The following ULK4 variants were observed in gnomAD, a reference collection of about 807,000 sequenced individuals.
ULK4 encodes the protein inactive serine/threonine-protein kinase ULK4.
A neutral mutation model predicts 160.6 loss-of-function variants in ULK4; 133 were observed. The ratio of observed to expected loss-of-function variants is 0.83; its 90% CI spans 0.72 to 0.96. ULK4 has a LOEUF of 0.96. ULK4 is among the 40% of genes least tolerant of loss of function. The pLI, the probability that ULK4 is intolerant of heterozygous loss-of-function variation, is 0.00. For missense variants in ULK4, 1,580 were observed against 1,499.5 expected (o/e 1.05, Z -0.89); for synonymous variants, 534 against 539.8 (o/e 0.99, Z 0.15).
At chr3:41,947,849 G>A (rs886912087) in intron 2 of ULK4, among the ~76,000 whole-genome samples, 4 of 151,944 alleles carry the variant, frequency 2.6e-5, no homozygotes, top group Admixed American at 6.6e-5. Flanking sequence ...GGATCATTTC[G>A]CCCTCTAACA....
intron 32 of ULK4, among the ~76,000 whole-genome samples, chr3:41,486,320 T>C (rs1471621949): frequency 6.6e-6 from 1 of 152,188 alleles, no homozygotes; most frequent in East Asian, 1.9e-4. Flanking sequence ...GAAGGCTTCA[T>C]TCTAGAAATT....
chr3:41,684,101 G>T (rs2036016596), intron 27 of ULK4, among the ~76,000 whole-genome samples: 1 of 152,100 alleles, frequency 6.6e-6, no homozygotes, highest in Non-Finnish European at 1.5e-5. Context: ...CCAAAAAATG[G>T]AAAAAAGATG....
intron 31 of ULK4, among the ~76,000 whole-genome samples, chr3:41,582,536 A>C (rs1388584296): frequency 6.6e-6 from 1 of 152,166 alleles, no homozygotes; most frequent in East Asian, 1.9e-4. Flanking sequence ...AGCCCCATAG[A>C]GCCTATGCTG....
intron 22 of ULK4, among the ~76,000 whole-genome samples, chr3:41,732,764 A>G (rs1183923642): frequency 1.3e-5 from 2 of 152,210 alleles, no homozygotes; most frequent in African/African-American, 4.8e-5. Context: ...AAAATGTGGT[A>G]AGTATACACA....
intron 17 of ULK4, among the ~76,000 whole-genome samples, chr3:41,856,566 TATATATATGTGTATATATATACAC>T (rs2042358080): frequency 8.9e-6 from 1 of 111,898 alleles, no homozygotes; most frequent in African/African-American, 4.0e-5. Flanking sequence ...TATATACACA[TATATATATGTGTATATATATACAC>T]ATATATATAT....
intron 21 of ULK4, among the ~76,000 whole-genome samples, chr3:41,777,731 C>T (rs1398318753): frequency 6.1e-5 from 8 of 130,158 alleles, no homozygotes; most frequent in African/African-American, 1.8e-4. Flanking sequence ...AGTTGAGCGG[C>T]TTTGAGTGAG....
chr3:41,703,585 C>A (rs1194008446), intron 27 of ULK4, among the ~76,000 whole-genome samples: 1 of 151,410 alleles, frequency 6.6e-6, no homozygotes, highest in Non-Finnish European at 1.5e-5. Flanking sequence ...TAAATATTTA[C>A]CCCAAAAAGT....
chr3:41,882,179 A>C (rs763348314), intron 17 of ULK4: 2 of 702,312 alleles, frequency 2.8e-6, no homozygotes, highest in South Asian at 1.5e-5. Flanking sequence ...TTTATTTTGA[A>C]ATATTTGTCA....
intron 30 of ULK4, among the ~76,000 whole-genome samples, chr3:41,644,844 G>T (rs914417084): frequency 6.6e-6 from 1 of 152,124 alleles, no homozygotes; most frequent in African/African-American, 2.4e-5. Flanking sequence ...TGGTTGGTAA[G>T]CTATTGATTA....
At chr3:41,662,265 G>A (rs1311307741) in intron 30 of ULK4, among the ~76,000 whole-genome samples, 1 of 152,182 alleles carries the variant, frequency 6.6e-6, no homozygotes, top group Non-Finnish European at 1.5e-5. Context: ...AATTGGCAAA[G>A]ATAAAAAGGG....
chr3:41,659,924 T>C (rs1430552226), intron 30 of ULK4, among the ~76,000 whole-genome samples: 2 of 151,920 alleles, frequency 1.3e-5, no homozygotes, highest in East Asian at 3.9e-4. Flanking sequence ...CAGAAGCAAA[T>C]CTAGAGGACA....
intron 17 of ULK4, among the ~76,000 whole-genome samples, chr3:41,863,527 T>C (rs2042552549): frequency 6.6e-6 from 1 of 152,038 alleles, no homozygotes; most frequent in South Asian, 2.1e-4. Flanking sequence ...TTTTGCCCCA[T>C]ACACCACAAC....
In ULK4 at chr3:41,566,143, A is replaced by C. The variant is rs1471154243; in HGVS notation, c.3121-13T>G. ...TCTCCTGATGTTCCTGCAATAGATC[A>C]TAATTTCCATCATAACCATACAGAA... On this transcript the variant is annotated splice_polypyrimidine_tract_variant and intron_variant, in intron 31 of 36. Coordinates refer to ENST00000301831, the MANE Select transcript of ULK4 (RefSeq NM_017886.4). The C allele has an allele frequency of 1.1e-5, 17 of 1,598,696 alleles. No individual in the cohort carries two copies. Among genetic ancestry groups the C allele is most frequent in the Non-Finnish European group, 1.4e-5 (16 of 1,168,252 alleles).
At chr3:41,508,985 C>G (rs2085485132) in intron 32 of ULK4, among the ~76,000 whole-genome samples, 1 of 151,900 alleles carries the variant, frequency 6.6e-6, no homozygotes, top group Non-Finnish European at 1.5e-5. Flanking sequence ...CTCTGAATTG[C>G]CAGAAAAAGA....
chr3:41,755,401 A>G (rs186603955), intron 21 of ULK4, among the ~76,000 whole-genome samples: 5 of 152,334 alleles, frequency 3.3e-5, no homozygotes, highest in Non-Finnish European at 7.4e-5. Context: ...GGATAAAAAC[A>G]TATCTAAGCA....
chr3:41,501,211 T>TA (rs11374983), intron 32 of ULK4, among the ~76,000 whole-genome samples: 127,227 of 152,180 alleles, frequency 0.84, 54,575 homozygotes, highest in Non-Finnish European at 0.94. Context: ...AAGTAATGTT[T>TA]GGCTGGGCGC....
At chr3:41,392,768 C>G (rs906794624) in intron 35 of ULK4, among the ~76,000 whole-genome samples, 2 of 152,128 alleles carry the variant, frequency 1.3e-5, no homozygotes, top group Admixed American at 1.3e-4. Flanking sequence ...GTCTTTTCCT[C>G]CTTAACTTCT....
intron 17 of ULK4, among the ~76,000 whole-genome samples, chr3:41,870,433 T>C (rs1716672): frequency 0.072 from 10,901 of 152,208 alleles, 1,232 homozygotes; most frequent in African/African-American, 0.24. Context: ...TTGAGTCATT[T>C]CTATTAAACA....
chr3:41,822,774 T>C (rs1268113050), intron 18 of ULK4, among the ~76,000 whole-genome samples: 1 of 138,734 alleles, frequency 7.2e-6, no homozygotes, highest in African/African-American at 2.7e-5. Flanking sequence ...CAGGCTGGAG[T>C]GCAGTGGCAA....
Sources: gnomAD v4.1 joint callset for allele counts (sites outside exome capture counted in the v4.1 genomes callset) on GRCh38, gnomAD v4.1.1 for gene constraint, MANE v1.5 for transcripts, NCBI Gene and HGNC (gene_info 2026-07-23, HGNC 2026-07-21) for gene names.